CTNNA3: variants seen among roughly 807,000 people sequenced by gnomAD.
CTNNA3 encodes catenin alpha 3.
A neutral mutation model predicts 95.7 loss-of-function variants in CTNNA3; 76 were observed. The ratio of observed to expected loss-of-function variants is 0.79; its 90% CI spans 0.66 to 0.96. The LOEUF (loss-of-function observed/expected upper bound fraction) is 0.96, where lower values mean the gene tolerates loss of function less well. Ranked by LOEUF, CTNNA3 falls within the 40% of genes least tolerant of loss-of-function variation. The probability of loss-of-function intolerance (pLI) is 0.00; values close to 1 mark genes in which losing one functional copy is unlikely to be tolerated. For missense variants in CTNNA3, 1,191 were observed against 1,089.8 expected (o/e 1.09, Z -1.31); for synonymous variants, 431 against 374.4 (o/e 1.15, Z -1.74).
intron 7 of CTNNA3, among the ~76,000 whole-genome samples, chr10:66,776,535 T>C (rs543895540): frequency 9.9e-5 from 15 of 152,232 alleles, no homozygotes; most frequent in African/African-American, 3.6e-4. Context: ...AACAAGAAAT[T>C]TAAAAACTCT....
chr10:66,210,798 A>C (rs952679002), intron 13 of CTNNA3, among the ~76,000 whole-genome samples: 1 of 152,244 alleles, frequency 6.6e-6, no homozygotes, highest in East Asian at 1.9e-4. Context: ...AAAATAATTC[A>C]CATGTAGTTT....
At chr10:66,974,262 GAC>G (rs1849896063) in intron 7 of CTNNA3, among the ~76,000 whole-genome samples, 1 of 152,288 alleles carries the variant, frequency 6.6e-6, no homozygotes, top group East Asian at 1.9e-4. Flanking sequence ...AGCTTCTGGT[GAC>G]ATAGGCTGGA....
intron 15 of CTNNA3, among the ~76,000 whole-genome samples, chr10:66,016,178 C>T (rs75211736): frequency 0.013 from 1,910 of 152,246 alleles, 30 homozygotes; most frequent in African/African-American, 0.044. Context: ...AGATAATAAC[C>T]AGTTAATCAA....
chr10:66,068,479 C>T (rs926859894), intron 15 of CTNNA3, among the ~76,000 whole-genome samples: 1 of 152,170 alleles, frequency 6.6e-6, no homozygotes, highest in South Asian at 2.1e-4. Flanking sequence ...TGTACATTTT[C>T]TCCATTAATT....
intron 5 of CTNNA3, among the ~76,000 whole-genome samples, chr10:67,439,253 C>T (rs1470992636): frequency 1.3e-5 from 2 of 152,026 alleles, no homozygotes; most frequent in African/African-American, 2.4e-5. Context: ...CCTGTATTAG[C>T]CTGTTCTTGC....
intron 7 of CTNNA3, among the ~76,000 whole-genome samples, chr10:67,108,233 G>A (rs1015671286): frequency 4.6e-5 from 7 of 152,040 alleles, no homozygotes; most frequent in African/African-American, 1.4e-4. Context: ...CATTTAAAAA[G>A]TACAGTCAAA....
intron 5 of CTNNA3, among the ~76,000 whole-genome samples, chr10:67,267,890 C>G (rs2132408566): frequency 6.6e-6 from 1 of 152,076 alleles, no homozygotes; most frequent in East Asian, 1.9e-4. Context: ...GTAGTTTACT[C>G]TTATCTTTTA....
intron 1 of CTNNA3, among the ~76,000 whole-genome samples, chr10:67,679,764 C>T (rs61361361): frequency 0.087 from 13,242 of 152,086 alleles, 1,336 homozygotes; most frequent in African/African-American, 0.25. Flanking sequence ...GAAATGTGAG[C>T]TATCTCATAC....
intron 9 of CTNNA3, among the ~76,000 whole-genome samples, chr10:66,630,042 A>G (rs1287744022): frequency 6.6e-6 from 1 of 152,100 alleles, no homozygotes; most frequent in African/African-American, 2.4e-5. Flanking sequence ...TGATTAGCAT[A>G]CATTTCCCCA....
intron 9 of CTNNA3, among the ~76,000 whole-genome samples, chr10:66,651,747 T>C (rs1845911912): frequency 6.6e-6 from 1 of 151,154 alleles, no homozygotes; most frequent in African/African-American, 2.4e-5. Context: ...TGTGCTGGCC[T>C]GCGGCTCCGA....
intron 9 of CTNNA3, among the ~76,000 whole-genome samples, chr10:66,665,054 A>G (rs939360028): frequency 4.6e-5 from 7 of 152,166 alleles, no homozygotes; most frequent in East Asian, 1.9e-4. Flanking sequence ...GTTACTCTGT[A>G]TAACAAGTAA....
chr10:67,172,636 A>G (rs559542823), intron 7 of CTNNA3, among the ~76,000 whole-genome samples: 10 of 152,240 alleles, frequency 6.6e-5, no homozygotes, highest in African/African-American at 1.2e-4. Context: ...TTGTAGATCA[A>G]TTAAGGTCTG....
chr10:67,626,086 A>G (rs950370660), intron 2 of CTNNA3, among the ~76,000 whole-genome samples: 2 of 151,954 alleles, frequency 1.3e-5, no homozygotes, highest in Admixed American at 6.6e-5. Context: ...GGAGACTGAG[A>G]CAGGAGGATG....
chr10:67,268,379 G>A (rs943971166), intron 5 of CTNNA3, among the ~76,000 whole-genome samples: 11 of 145,884 alleles, frequency 7.5e-5, no homozygotes, highest in African/African-American at 2.1e-4. Flanking sequence ...AAAATCAGCC[G>A]TTAGCGGCGG....
Position 66,032,203 on chromosome 10 carries a change from A to AT in CTNNA3, c.2159+37104dup, listed in dbSNP as rs1056759843. Among the ~76,000 whole-genome samples the AT allele has an allele frequency of 2.6e-5, 4 of 152,190 alleles. 1 individual carries two copies. The South Asian group carries it at 6.2e-4, about 24-fold the overall frequency. The stretch of plus-strand genomic sequence containing the variant: ...TTCTTTAGTGCACAATATTTCTTTG[A>AT]TTTTTTTAAAAAAATTATTTGAAAA... On this transcript the variant is annotated intron_variant, in intron 15 of 17. Coordinates refer to ENST00000433211, the MANE Select transcript of CTNNA3 (RefSeq NM_013266.4).
At chr10:66,519,061 T>C (rs1336446974) in intron 11 of CTNNA3, among the ~76,000 whole-genome samples, 2 of 152,062 alleles carry the variant, frequency 1.3e-5, no homozygotes, top group Non-Finnish European at 2.9e-5. Flanking sequence ...AGAATTTGCA[T>C]TTTATAAGAA....
intron 1 of CTNNA3, among the ~76,000 whole-genome samples, chr10:67,671,446 T>C (rs1211891280): frequency 6.6e-6 from 1 of 152,004 alleles, no homozygotes; most frequent in Non-Finnish European, 1.5e-5. Flanking sequence ...GCCATGTTGG[T>C]GTGCTGCACC....
At chr10:66,948,069 G>A (rs1428784557) in intron 7 of CTNNA3, among the ~76,000 whole-genome samples, 5 of 152,156 alleles carry the variant, frequency 3.3e-5, no homozygotes, top group Non-Finnish European at 7.4e-5. Flanking sequence ...TCTAAACATA[G>A]AAAAGGTAGG....
At chr10:67,163,278 T>C (rs1861626117) in intron 7 of CTNNA3, among the ~76,000 whole-genome samples, 2 of 151,982 alleles carry the variant, frequency 1.3e-5, no homozygotes, top group African/African-American at 4.8e-5. Flanking sequence ...CATGACCAAG[T>C]AAGATTTATT....
Sources: allele counts gnomAD v4.1 joint callset (sites outside exome capture counted in the v4.1 genomes callset), GRCh38; gene constraint gnomAD v4.1.1; transcripts MANE v1.5; gene names NCBI Gene and HGNC (gene_info 2026-07-23, HGNC 2026-07-21).